Variants in RBMS3 observed in about 807,000 individuals in gnomAD.
RBMS3 encodes RNA binding motif single stranded interacting protein 3.
In RBMS3, 27 loss-of-function variants were observed where a neutral mutation model predicts 66.8. The observed-to-expected ratio is 0.40, with a 90% CI of 0.30 to 0.56. The LOEUF (loss-of-function observed/expected upper bound fraction) is 0.56. RBMS3 is among the 20% of genes least tolerant of loss of function. RBMS3 has a pLI of 0.40. For synonymous variants in RBMS3, 188 were observed against 183.0 expected (o/e 1.03, Z -0.22); for missense variants, 513 against 549.5 (o/e 0.93, Z 0.66).
intron 12 of RBMS3, among the ~76,000 whole-genome samples, chr3:29,965,777 TG>T (rs1176143468): frequency 2.6e-5 from 4 of 152,252 alleles, no homozygotes; most frequent in African/African-American, 9.6e-5. Flanking sequence ...CATTTGCTTT[TG>T]GGTTGTTGGT....
chr3:29,952,070 A>G (rs1358638032), intron 12 of RBMS3, among the ~76,000 whole-genome samples: 1 of 151,860 alleles, frequency 6.6e-6, no homozygotes. Context: ...GGAGACATTT[A>G]TGTACCAGAA....
intron 6 of RBMS3, among the ~76,000 whole-genome samples, chr3:29,789,341 T>C (rs79167444): frequency 0.027 from 4,166 of 152,112 alleles, 169 homozygotes; most frequent in African/African-American, 0.087. Context: ...TCTCTAGTAA[T>C]TTTTATTAAA....
At chr3:29,845,522 A>T (rs2149510776) in intron 6 of RBMS3, among the ~76,000 whole-genome samples, 1 of 152,306 alleles carries the variant, frequency 6.6e-6, no homozygotes, top group African/African-American at 2.4e-5. Flanking sequence ...AGATTTCCTC[A>T]TTTTTATTAA....
intron 4 of RBMS3, among the ~76,000 whole-genome samples, chr3:29,653,907 G>A (rs1349925153): frequency 6.6e-6 from 1 of 152,148 alleles, no homozygotes; most frequent in Non-Finnish European, 1.5e-5. Context: ...TCCAAGGTCT[G>A]CCTTGTCAAG....
intron 4 of RBMS3, among the ~76,000 whole-genome samples, chr3:29,605,847 C>A (rs1265731792): frequency 6.6e-6 from 1 of 151,796 alleles, no homozygotes; most frequent in African/African-American, 2.4e-5. Context: ...ATGTTCATTG[C>A]ACTTCCAAGA....
At chr3:29,486,490 T>A (rs555349866) in intron 2 of RBMS3, among the ~76,000 whole-genome samples, 8 of 152,304 alleles carry the variant, frequency 5.3e-5, no homozygotes, top group African/African-American at 1.9e-4. Flanking sequence ...GTTTGCTTTT[T>A]TGGACTCTGT....
At chr3:29,994,886 G>A (rs1458673634) in intron 14 of RBMS3, among the ~76,000 whole-genome samples, 3 of 152,212 alleles carry the variant, frequency 2.0e-5, no homozygotes, top group East Asian at 1.9e-4. Context: ...CCAAAGGAAC[G>A]CAGTTCCTCA....
In RBMS3 at chr3:30,004,057, CTGACAATT is replaced by C. The variant is rs1027648950; in HGVS notation, c.*197_*204del. ...GCTGTGCAAATGGTCTTCATGTGGT[CTGACAATT>C]TATTTTTGCCATCATTTTTTTAATT... On this transcript the variant is annotated 3_prime_UTR_variant, in exon 15 of 15. Transcript: ENST00000383767. The C allele has an allele frequency of 3.9e-5, 15 of 385,968 alleles. No homozygotes were observed. The highest frequency in any genetic ancestry group is 6.5e-4 in the Middle Eastern group (1 of 1,546). The allele number at this position is 385,968 out of a possible 1,614,324, so 23.9% of individuals were successfully genotyped here.
chr3:29,598,887 C>A (rs1285129402), intron 4 of RBMS3, among the ~76,000 whole-genome samples: 1 of 151,848 alleles, frequency 6.6e-6, no homozygotes, highest in Non-Finnish European at 1.5e-5. Flanking sequence ...AGCTTCAGTG[C>A]AAATTCAGTA....
intron 4 of RBMS3, among the ~76,000 whole-genome samples, chr3:29,612,899 A>T (rs1323490992): frequency 6.6e-6 from 1 of 152,162 alleles, no homozygotes; most frequent in Admixed American, 6.6e-5. Context: ...GCTATTTTAA[A>T]ATTGCATAGG....
chr3:29,821,840 G>A (rs988969952), intron 6 of RBMS3, among the ~76,000 whole-genome samples: 5 of 152,072 alleles, frequency 3.3e-5, no homozygotes, highest in Admixed American at 2.6e-4. Context: ...GTTTCTTTGT[G>A]CTTGCTTCTA....
At chr3:29,489,720 G>A (rs891076686) in intron 3 of RBMS3, among the ~76,000 whole-genome samples, 75 of 141,890 alleles carry the variant, frequency 5.3e-4, no homozygotes, top group Non-Finnish European at 9.6e-4. Context: ...GAATGTAATT[G>A]AGTAGACCCA....
chr3:29,800,203 G>A (rs187419122), intron 6 of RBMS3, among the ~76,000 whole-genome samples: 148 of 151,142 alleles, frequency 9.8e-4, no homozygotes, highest in African/African-American at 3.3e-3. Flanking sequence ...TTATCTAAAT[G>A]GTTTTCAGAA....
At chr3:29,295,603 A>G (rs930882335) in intron 1 of RBMS3, among the ~76,000 whole-genome samples, 6 of 151,384 alleles carry the variant, frequency 4.0e-5, no homozygotes, top group Non-Finnish European at 7.4e-5. Context: ...AATCTGACAT[A>G]TGTTATATGA....
chr3:29,736,536 T>C (rs1052042708), intron 4 of RBMS3, among the ~76,000 whole-genome samples: 1 of 149,750 alleles, frequency 6.7e-6, no homozygotes, highest in African/African-American at 2.4e-5. Context: ...TAGACTGTAA[T>C]TATTAACCTG....
intron 10 of RBMS3, 112 bp downstream of exon 10, chr3:29,899,867 G>C (rs1577097548): frequency 2.3e-5 from 23 of 1,006,884 alleles, no homozygotes; most frequent in East Asian, 1.8e-4. Context: ...ACTCGTTCAG[G>C]CAGCCATATT....
chr3:29,705,920 A>G (rs2052868624), intron 4 of RBMS3, among the ~76,000 whole-genome samples: 1 of 152,196 alleles, frequency 6.6e-6, no homozygotes, highest in South Asian at 2.1e-4. Flanking sequence ...AAAACAAGAG[A>G]GTATAGGGTA....
intron 1 of RBMS3, among the ~76,000 whole-genome samples, chr3:29,334,434 T>A (rs2035833043): frequency 6.6e-6 from 1 of 152,200 alleles, no homozygotes; most frequent in South Asian, 2.1e-4. Flanking sequence ...CCTAAAAGTA[T>A]GTTTGTAAAT....
chr3:29,281,723 C>T lies in RBMS3; in HGVS notation c.42C>T (p.Tyr14=), dbSNP rs777016018. ...ATCAGCCACAAATGTACCCCCAGTACACTTACTACTATCCTCATTATCTCC... is the reference window on the plus strand; with the variant it reads ...ATCAGCCACAAATGTACCCCCAGTATACTTACTACTATCCTCATTATCTCC... The part of the protein sequence containing the change: ...RLDQPQMYPQ[Y]TYYYPHYLQT... The change falls in exon 1 of 15, where the codon TAC becomes TAT. Residue 14 remains tyrosine, a synonymous_variant. Transcript: ENST00000383767. 2.5e-6 allele frequency: 4 copies of T among 1,613,442 alleles called. No individual in the cohort carries two copies. The highest frequency in any genetic ancestry group is 3.3e-5 in the Admixed American group (2 of 59,940).
Sources: gnomAD v4.1 joint callset for allele counts (sites outside exome capture counted in the v4.1 genomes callset) on GRCh38, gnomAD v4.1.1 for gene constraint, MANE v1.5 for transcripts, NCBI Gene and HGNC (gene_info 2026-07-23, HGNC 2026-07-21) for gene names.